Variants in TRABD2B observed in about 807,000 individuals in gnomAD.
TRABD2B encodes metalloprotease TIKI2.
TRABD2B carries 14 observed loss-of-function variants against 40.1 expected under a neutral mutation model. The ratio of observed to expected loss-of-function variants is 0.35; its 90% CI spans 0.23 to 0.55. The LOEUF is 0.55. Among genes scored for constraint, TRABD2B ranks in the 20% least tolerant of loss-of-function variants. The pLI, the probability that TRABD2B is intolerant of heterozygous loss-of-function variation, is 0.90. For synonymous variants in TRABD2B, 263 were observed against 277.0 expected, an observed-to-expected ratio of 0.95 and a Z score of 0.50; for missense variants, 541 against 648.6, an observed-to-expected ratio of 0.83 and a Z score of 1.80.
chr1:47,844,771 A>G (rs6588526), intron 2 of TRABD2B, among the ~76,000 whole-genome samples: 113,692 of 152,128 alleles, frequency 0.75, 42,883 homozygotes, highest in East Asian at 0.98. Flanking sequence ...ACAGGCAGTG[A>G]AAGCAGCATG....
intron 2 of TRABD2B, among the ~76,000 whole-genome samples, chr1:47,945,345 C>G (rs1464028722): frequency 6.6e-6 from 1 of 152,082 alleles, no homozygotes. Flanking sequence ...TTACCAGGTC[C>G]AACAAACATT....
chr1:47,789,710 T>C (rs1229111924), intron 4 of TRABD2B, among the ~76,000 whole-genome samples: 2 of 152,120 alleles, frequency 1.3e-5, no homozygotes, highest in Non-Finnish European at 2.9e-5. Context: ...GCTGCCAAAT[T>C]ACTTGCCTGC....
At chr1:47,766,724 G>A (rs1452376970) in intron 6 of TRABD2B, among the ~76,000 whole-genome samples, 1 of 152,196 alleles carries the variant, frequency 6.6e-6, no homozygotes, top group Non-Finnish European at 1.5e-5. Flanking sequence ...GAGGCTACCT[G>A]GTGGTCAGGT....
At chr1:47,782,270 A>C (rs184916068) in intron 4 of TRABD2B, among the ~76,000 whole-genome samples, 16 of 152,238 alleles carry the variant, frequency 1.1e-4, no homozygotes, top group Admixed American at 3.3e-4. Flanking sequence ...CCTCATCTTC[A>C]TACGATCAGT....
At chr1:47,777,143 T>C (rs1644458518) in intron 5 of TRABD2B, among the ~76,000 whole-genome samples, 1 of 152,232 alleles carries the variant, frequency 6.6e-6, no homozygotes, top group African/African-American at 2.4e-5. Flanking sequence ...CTGGCCTGCC[T>C]GCCTCCCCTG....
chr1:47,984,684 C>T (rs1459320825), intron 2 of TRABD2B, among the ~76,000 whole-genome samples: 1 of 152,110 alleles, frequency 6.6e-6, no homozygotes, highest in Admixed American at 6.5e-5. Context: ...GCCTAGTACT[C>T]CCTAGGCTTT....
Position 47,994,148 on chromosome 1 carries a change from G to C in TRABD2B, c.552C>G (p.Pro184=), listed in dbSNP as rs1202779061. ...TERDVRFRGV[P]VLDLYLAQQA... ...GCTGGGCCAGGTAGAGGTCGAGCAC[G>C]GGCACACCACGGAAGCGCACGTCCC... The change falls in exon 2 of 7, where the codon CCC becomes CCG. Residue 184 remains proline (P), a synonymous_variant. Coordinates refer to ENST00000606738, the MANE Select transcript of TRABD2B (RefSeq NM_001194986.2). The surrounding 1 kb of genome is among the most constrained non-coding windows in gnomAD (Gnocchi z 6.7). 4.6e-6 allele frequency: 7 copies of C among 1,536,318 alleles called. No individual in the cohort carries two copies. The highest frequency in any genetic ancestry group is 2.4e-5 in the East Asian group (1 of 40,922).
chr1:47,951,774 T>C (rs1197636200), intron 2 of TRABD2B, among the ~76,000 whole-genome samples: 1 of 152,164 alleles, frequency 6.6e-6, no homozygotes, highest in Non-Finnish European at 1.5e-5. Context: ...TGCACAGTCC[T>C]CTGAAACTCT....
intron 2 of TRABD2B, among the ~76,000 whole-genome samples, chr1:47,962,252 T>C (rs946700891): frequency 3.3e-5 from 5 of 152,096 alleles, no homozygotes; most frequent in African/African-American, 1.2e-4. Context: ...TTAGGAGATA[T>C]ACCTAATGTA....
chr1:47,844,575 T>C (rs552605807), intron 2 of TRABD2B, among the ~76,000 whole-genome samples: 1 of 152,132 alleles, frequency 6.6e-6, no homozygotes, highest in African/African-American at 2.4e-5. Flanking sequence ...CAGTGCTTAC[T>C]CTCTGGCAAA....
chr1:47,962,649 C>A (rs1248049877), intron 2 of TRABD2B, among the ~76,000 whole-genome samples: 2 of 152,236 alleles, frequency 1.3e-5, no homozygotes, highest in Non-Finnish European at 2.9e-5. Context: ...CACAGCAACC[C>A]TTTGAAGTAG....
intron 2 of TRABD2B, among the ~76,000 whole-genome samples, chr1:47,975,984 C>T (rs1645750579): frequency 6.6e-6 from 1 of 152,084 alleles, no homozygotes; most frequent in Non-Finnish European, 1.5e-5. Flanking sequence ...CCTAGAGGGG[C>T]AATGGAAAAG....
chr1:47,767,669 G>A (rs972794916), intron 6 of TRABD2B, among the ~76,000 whole-genome samples: 3 of 152,236 alleles, frequency 2.0e-5, no homozygotes, highest in Non-Finnish European at 2.9e-5. Context: ...TGGGCAAGAA[G>A]CTTGCCCTTC....
At chr1:47,778,748 C>T (rs189920046) in intron 4 of TRABD2B, among the ~76,000 whole-genome samples, 2 of 152,290 alleles carry the variant, frequency 1.3e-5, no homozygotes, top group Admixed American at 6.5e-5. Context: ...CTGGCTCTGC[C>T]GCTCATTAAC....
At chr1:47,983,692 C>T (rs531550519) in intron 2 of TRABD2B, among the ~76,000 whole-genome samples, 1 of 150,816 alleles carries the variant, frequency 6.6e-6, no homozygotes, top group South Asian at 2.1e-4. Context: ...GGGGTCCCAA[C>T]GCCTGGCACT....
intron 4 of TRABD2B, among the ~76,000 whole-genome samples, chr1:47,784,903 G>A (rs1300820416): frequency 2.0e-5 from 3 of 152,192 alleles, no homozygotes; most frequent in South Asian, 2.1e-4. Context: ...AGGAGGTCAC[G>A]GTATGGAGAG....
intron 2 of TRABD2B, among the ~76,000 whole-genome samples, chr1:47,936,012 C>A (rs1235131958): frequency 6.6e-6 from 1 of 152,198 alleles, no homozygotes; most frequent in Non-Finnish European, 1.5e-5. Context: ...TGCTGCCTTG[C>A]AGGGCTGTTA....
At chr1:47,899,936 TGA>T (rs1644576784) in intron 2 of TRABD2B, among the ~76,000 whole-genome samples, 2 of 152,156 alleles carry the variant, frequency 1.3e-5, no homozygotes, top group Non-Finnish European at 2.9e-5. Context: ...CCATATCCAA[TGA>T]GAGTCAATTC....
chr1:47,852,402 C>G (rs535505678), intron 2 of TRABD2B, among the ~76,000 whole-genome samples: 7 of 152,342 alleles, frequency 4.6e-5, no homozygotes, highest in African/African-American at 1.4e-4. Flanking sequence ...GCCTCCCCCA[C>G]TTCCTGACCC....
Sources: allele counts gnomAD v4.1 joint callset (sites outside exome capture counted in the v4.1 genomes callset), GRCh38; gene constraint gnomAD v4.1.1; non-coding constraint Gnocchi (gnomAD v3.1); transcripts MANE v1.5; gene names NCBI Gene and HGNC (gene_info 2026-07-23, HGNC 2026-07-21).